Variants in SLC22A4 observed in about 807,000 individuals in gnomAD.
SLC22A4 encodes the protein ET transporter.
Under a neutral mutation model 56.6 loss-of-function variants are expected in SLC22A4, and 39 were observed. That is an observed-to-expected ratio of 0.69 (90% CI 0.53 to 0.90). The LOEUF is 0.90. Ranked by LOEUF, SLC22A4 falls within the 40% of genes least tolerant of loss-of-function variation. The pLI is 0.00. For synonymous variants in SLC22A4, 241 were observed against 281.4 expected (o/e 0.86, Z 1.44); for missense variants, 594 against 696.5 (o/e 0.85, Z 1.66).
At chr5:132,295,358 G>C in intron 1 of SLC22A4, 1 of 524,100 alleles carries the variant, frequency 1.9e-6, no homozygotes, top group South Asian at 1.6e-5. Flanking sequence ...TCACCTTCCT[G>C]CCAGGCATGG....
intron 4 of SLC22A4, among the ~76,000 whole-genome samples, 183 bp downstream of exon 4, chr5:132,322,538 C>T (rs1432448089): frequency 6.6e-6 from 1 of 152,186 alleles, no homozygotes; most frequent in Non-Finnish European, 1.5e-5. Context: ...GAGTTTGAGT[C>T]TCCATTGTCC....
chr5:132,327,741 T>C (rs1029699568), intron 5 of SLC22A4, among the ~76,000 whole-genome samples: 9 of 152,190 alleles, frequency 5.9e-5, no homozygotes, highest in African/African-American at 2.2e-4. Context: ...CCAGATTAAG[T>C]GGAAAAATAT....
intron 3 of SLC22A4, among the ~76,000 whole-genome samples, chr5:132,321,830 C>T (rs926833355): frequency 2.6e-5 from 4 of 152,074 alleles, no homozygotes; most frequent in African/African-American, 9.7e-5. Context: ...GTCACTTGAG[C>T]TTGGGAGGCA....
At chr5:132,311,973 C>CGGGA (rs1750192166) in intron 1 of SLC22A4, 188 bp from the exon 2 acceptor site, 1 of 657,270 alleles carries the variant, frequency 1.5e-6, no homozygotes, top group African/African-American at 1.8e-5. Flanking sequence ...CCAGGTTACT[C>CGGGA]TCCCCAGTCC....
At chr5:132,307,144 T>A (rs78840040) in intron 1 of SLC22A4, among the ~76,000 whole-genome samples, 3,311 of 152,334 alleles carry the variant, frequency 0.022, 124 homozygotes, top group African/African-American at 0.076. Flanking sequence ...AAAAAAGTAA[T>A]TAACTAGCCA....
At position 132,312,272 on chromosome 5, in the gene SLC22A4, C is replaced by T. The variant is rs771269335; in HGVS notation, c.497+8C>T. 13 of 1,568,306 alleles carry T rather than the reference C, an allele frequency of 8.3e-6. No individual in the cohort carries two copies. The highest frequency in any genetic ancestry group is 1.1e-5 in the Non-Finnish European group (13 of 1,138,204). ...CGGGCAGCTGTCAGACAGGTAAGCA[C>T]ATGGGAGGGGAGGAAGGTGGGATGG... On this transcript the variant is annotated splice_region_variant and intron_variant, in intron 2 of 9. Coordinates refer to ENST00000200652, the MANE Select transcript of SLC22A4 (RefSeq NM_003059.3).
chr5:132,309,890 A>G (rs903014447), intron 1 of SLC22A4, among the ~76,000 whole-genome samples: 2 of 152,260 alleles, frequency 1.3e-5, no homozygotes, highest in Non-Finnish European at 2.9e-5. Flanking sequence ...CAAAGTCCAG[A>G]CAGAAAAATA....
intron 5 of SLC22A4, among the ~76,000 whole-genome samples, chr5:132,329,467 C>T (rs918938302): frequency 7.8e-6 from 1 of 127,964 alleles, no homozygotes; most frequent in African/African-American, 3.3e-5. Context: ...CTGCTCATTG[C>T]TCATGCTTTT....
intron 1 of SLC22A4, among the ~76,000 whole-genome samples, chr5:132,303,162 A>G (rs142712397): frequency 2.0e-5 from 3 of 152,350 alleles, no homozygotes; most frequent in African/African-American, 7.2e-5. Context: ...CCCATTTTGG[A>G]GAATAGATGT....
chr5:132,327,522 A>G lies in SLC22A4; in HGVS notation c.951+119A>G. ...TGTACCAGGCATTGCACTAGGCCTT[A>G]GGAACACAATCATGATTAAATTCTA... On this transcript the variant is annotated intron_variant, in intron 5 of 9. Transcript: ENST00000200652. The G allele has an allele frequency of 1.8e-5, 14 of 789,756 alleles. No individual in the cohort carries two copies. The Middle Eastern group carries it at 8.3e-4, about 47-fold the overall frequency. 48.9% of individuals were successfully genotyped at this position (789,756 alleles called of 1,614,324 possible).
Position 132,294,901 on chromosome 5 carries a change from C to G in SLC22A4, c.285C>G (p.Leu95=), listed in dbSNP as rs752151457. 6.3e-7 allele frequency: 1 copy of G among 1,596,188 alleles called. No individual in the cohort carries two copies. The highest frequency in any genetic ancestry group is 8.5e-7 in the Non-Finnish European group (1 of 1,172,322). The change falls in exon 1 of 10, where the codon CTC becomes CTG. Residue 95 remains leucine, a synonymous_variant. Transcript: ENST00000200652. The surrounding 1 kb of genome is among the most constrained non-coding windows in gnomAD (Gnocchi z 5.6). ...RLATIANFSA[L]GLEPGRDVDL... ...CCACCATCGCCAACTTCTCGGCGCT[C>G]GGGCTGGAGCCGGGGCGCGACGTGG...
chr5:132,297,221 G>C (rs1255417128), intron 1 of SLC22A4, among the ~76,000 whole-genome samples: 1 of 152,168 alleles, frequency 6.6e-6, no homozygotes, highest in Non-Finnish European at 1.5e-5. Flanking sequence ...GGGAGGCTAA[G>C]GCAGGAGAAT....
intron 4 of SLC22A4, 33 bp from the exon 5 acceptor site, chr5:132,327,244 G>T (rs529946584): frequency 3.0e-4 from 438 of 1,484,690 alleles, no homozygotes; most frequent in Non-Finnish European, 3.4e-4. Flanking sequence ...CTGCTGTTGT[G>T]AAAAATTATT....
chr5:132,328,541 A>C (rs1201393106), intron 5 of SLC22A4, among the ~76,000 whole-genome samples: 1 of 151,048 alleles, frequency 6.6e-6, no homozygotes, highest in Non-Finnish European at 1.5e-5. Context: ...TCAAATCAAG[A>C]AGTCCATTTC....
chr5:132,330,381 C>T (rs1309206292), intron 5 of SLC22A4, among the ~76,000 whole-genome samples: 1 of 152,188 alleles, frequency 6.6e-6, no homozygotes, highest in African/African-American at 2.4e-5. Flanking sequence ...TTCTAATCAG[C>T]TTGGTTACCT....
chr5:132,335,841 C>T lies in SLC22A4; in HGVS notation c.1285C>T (p.Leu429=), dbSNP rs760555279. The T allele has an allele frequency of 1.1e-5, 18 of 1,613,904 alleles. No individual in the cohort carries two copies. Among genetic ancestry groups the T allele is most frequent in the Non-Finnish European group, 1.4e-5 (16 of 1,179,936 alleles). The change falls in exon 8 of 10, where the codon CTG becomes TTG. Residue 429 remains leucine (L), a synonymous_variant. Coordinates refer to ENST00000200652, the MANE Select transcript of SLC22A4 (RefSeq NM_003059.3). ...PVDYYFLSIG[L]VMLGKFGITS... Reference sequence around the variant, plus strand: ...AGATTATTACTTCTTATCCATTGGTCTGGTCATGCTGGGAAAATTTGGGAT... The same window carrying T: ...AGATTATTACTTCTTATCCATTGGTTTGGTCATGCTGGGAAAATTTGGGAT...
At chr5:132,310,498 G>A (rs551084754) in intron 1 of SLC22A4, among the ~76,000 whole-genome samples, 49 of 152,302 alleles carry the variant, frequency 3.2e-4, no homozygotes, top group Admixed American at 7.2e-4. Context: ...CCTTTCTCCT[G>A]AAGCCCATGC....
intron 1 of SLC22A4, among the ~76,000 whole-genome samples, chr5:132,306,044 C>A (rs1292455963): frequency 6.6e-6 from 1 of 152,008 alleles, no homozygotes; most frequent in Non-Finnish European, 1.5e-5. Context: ...CCTCTTTACA[C>A]CCACTACAAT....
chr5:132,295,407 G>A (rs1749759178), intron 1 of SLC22A4: 1 of 428,294 alleles, frequency 2.3e-6, no homozygotes, highest in Middle Eastern at 4.0e-4. Context: ...GGGCAGGGCG[G>A]GGCCAAATCT....
Sources: allele counts gnomAD v4.1 joint callset (sites outside exome capture counted in the v4.1 genomes callset), GRCh38; gene constraint gnomAD v4.1.1; non-coding constraint Gnocchi (gnomAD v3.1); transcripts MANE v1.5; gene names NCBI Gene and HGNC (gene_info 2026-07-23, HGNC 2026-07-21).